Variants in RRAGD observed in about 807,000 individuals in gnomAD.
The protein encoded by RRAGD is ras-related GTP-binding protein D.
Under a neutral mutation model 35.5 loss-of-function variants are expected in RRAGD, and 12 were observed. The ratio of observed to expected loss-of-function variants is 0.34; its 90% CI spans 0.22 to 0.55. The LOEUF (loss-of-function observed/expected upper bound fraction) is 0.55, where lower values mean the gene tolerates loss of function less well. Ranked by LOEUF, RRAGD falls within the 20% of genes least tolerant of loss-of-function variation. The pLI, the probability that RRAGD is intolerant of heterozygous loss-of-function variation, is 0.91. For missense variants in RRAGD, 324 were observed against 490.1 expected, an observed-to-expected ratio of 0.66 and a Z score of 3.20; for synonymous variants, 155 against 178.9, an observed-to-expected ratio of 0.87 and a Z score of 1.07.
intron 1 of RRAGD, among the ~76,000 whole-genome samples, chr6:89,394,125 A>C (rs557427278): frequency 2.8e-4 from 42 of 152,198 alleles, no homozygotes; most frequent in Non-Finnish European, 5.0e-4. Flanking sequence ...AGGAAGCAAC[A>C]TTTAACTAAA....
chr6:89,381,801 T>A (rs1190425508), intron 2 of RRAGD, among the ~76,000 whole-genome samples: 1 of 152,172 alleles, frequency 6.6e-6, no homozygotes, highest in Admixed American at 6.5e-5. Flanking sequence ...TGATGGACAT[T>A]ATTCCCATGT....
At chr6:89,372,994 C>A (rs1768878377) in intron 5 of RRAGD, among the ~76,000 whole-genome samples, 1 of 152,180 alleles carries the variant, frequency 6.6e-6, no homozygotes, top group Non-Finnish European at 1.5e-5. Context: ...ACCTGAAAGC[C>A]AAGTGCTAGA....
At chr6:89,392,815 G>A (rs573463459) in intron 1 of RRAGD, among the ~76,000 whole-genome samples, 1 of 152,290 alleles carries the variant, frequency 6.6e-6, no homozygotes, top group African/African-American at 2.4e-5. Flanking sequence ...AAATTAAGCA[G>A]GTACAGATGT....
rs1026296157 is a variant in RRAGD, at chr6:89,411,894, C to G, written c.100G>C (p.Gly34Arg). ...ELVGLADYGD[G>R]PDSSDADPDS... ...GGATCGGCGTCGGAGGAGTCGGGCC[C>G]GTCTCCGTAGTCCGCTAGCCCCACC... The change falls in exon 1 of 7, where the codon GGG (glycine) becomes CGG (arginine). Residue 34 changes from glycine (G) to arginine (R), a missense_variant. By Grantham distance (125) the Gly-to-Arg change is moderately radical (BLOSUM62 -2). Coordinates refer to ENST00000369415, the MANE Select transcript of RRAGD (RefSeq NM_021244.5). This position sits in a 1 kb window ranked among gnomAD's most constrained non-coding sequence, Gnocchi z 5.6. 62 of 1,546,418 alleles carry G rather than the reference C, an allele frequency of 4.0e-5. No individual in the cohort carries two copies. The highest frequency in any genetic ancestry group is 9.7e-5 in the East Asian group (4 of 41,220).
intron 1 of RRAGD, among the ~76,000 whole-genome samples, chr6:89,394,270 A>G (rs1769290839): frequency 6.6e-6 from 1 of 152,166 alleles, no homozygotes; most frequent in African/African-American, 2.4e-5. Flanking sequence ...AATATCAAGG[A>G]TATCTATAGG....
In RRAGD at chr6:89,412,151, C is replaced by T. The variant is rs1187104261; in HGVS notation, c.-158G>A. 2 of 617,200 alleles carry T rather than the reference C, an allele frequency of 3.2e-6. No homozygotes were observed. Among genetic ancestry groups the T allele is most frequent in the African/African-American group, 1.9e-5 (1 of 51,554 alleles). 38.2% of individuals were successfully genotyped at this position (617,200 alleles called of 1,614,324 possible). ...GGGCCGCGCGTCCCCCGGCGGGCGG[C>T]GCCCAGGTCCGGGTCCCGCGGTTCC... On this transcript the variant is annotated 5_prime_UTR_variant, in exon 1 of 7. Coordinates refer to ENST00000369415, the MANE Select transcript of RRAGD (RefSeq NM_021244.5). This position sits in a 1 kb window ranked among gnomAD's most constrained non-coding sequence, Gnocchi z 4.2.
rs114416203 is a variant in RRAGD, at chr6:89,401,760, A to G, written c.148+10086T>C. ...GCTGCAATGTCACCCCCACTGCTAAATCAGGCACTATCACTTCCTGGGCCA... is the reference window on the plus strand; with the variant it reads ...GCTGCAATGTCACCCCCACTGCTAAGTCAGGCACTATCACTTCCTGGGCCA... On this transcript the variant is annotated intron_variant, in intron 1 of 6. Transcript: ENST00000369415. 4.0e-3 allele frequency among the ~76,000 whole-genome samples: 602 copies of G among 152,150 alleles called. 4 individuals carry two copies. Among genetic ancestry groups the G allele is most frequent in the African/African-American group, 0.014 (566 of 41,502 alleles).
At chr6:89,388,137 A>C (rs1319570312) in intron 1 of RRAGD, among the ~76,000 whole-genome samples, 1 of 152,194 alleles carries the variant, frequency 6.6e-6, no homozygotes, top group Non-Finnish European at 1.5e-5. Context: ...TGTGTTACAC[A>C]GCAGATGCAA....
rs1769366680 is a variant in RRAGD at position 89,397,722 on chromosome 6, C to T, written c.149-10132G>A. Among the ~76,000 whole-genome samples, 5 of 152,138 alleles carry T rather than the reference C, an allele frequency of 3.3e-5. No homozygotes were observed. In the South Asian group the frequency reaches 1.0e-3, roughly 31 times the overall value. On this transcript the variant is annotated intron_variant, in intron 1 of 6. Transcript: ENST00000369415. ...AATAAAAAAATAAACTATTGATACACATAACCTGGATGAATCTCTAATTAT... is the reference window on the plus strand; with the variant it reads ...AATAAAAAAATAAACTATTGATACATATAACCTGGATGAATCTCTAATTAT...
At chr6:89,371,054 A>G (rs368261562) in intron 6 of RRAGD, among the ~76,000 whole-genome samples, 5 of 151,658 alleles carry the variant, frequency 3.3e-5, no homozygotes, top group East Asian at 1.9e-4. Context: ...TAAAATATAA[A>G]TATTTTCATA....
intron 1 of RRAGD, among the ~76,000 whole-genome samples, chr6:89,393,189 G>A (rs1047110927): frequency 2.6e-5 from 4 of 152,188 alleles, no homozygotes; most frequent in Non-Finnish European, 5.9e-5. Context: ...ATGAAACATG[G>A]ATAGTTAAGT....
chr6:89,398,858 T>C (rs1417910618), intron 1 of RRAGD, among the ~76,000 whole-genome samples: 1 of 152,194 alleles, frequency 6.6e-6, no homozygotes, highest in East Asian at 1.9e-4. Flanking sequence ...CAATCAGCTG[T>C]CTGTCACATT....
intron 1 of RRAGD, among the ~76,000 whole-genome samples, chr6:89,399,871 TG>T (rs1311111821): frequency 6.6e-6 from 1 of 151,298 alleles, no homozygotes; most frequent in Admixed American, 6.6e-5. Context: ...CCCAAAGTGC[TG>T]GGATTACAGG....
At chr6:89,389,656 T>C (rs1769198101) in intron 1 of RRAGD, among the ~76,000 whole-genome samples, 1 of 151,902 alleles carries the variant, frequency 6.6e-6, no homozygotes, top group Non-Finnish European at 1.5e-5. Flanking sequence ...AATTCCACAA[T>C]GTTCTTTAGT....
At chr6:89,373,061 A>T (rs1582503613) in intron 5 of RRAGD, among the ~76,000 whole-genome samples, 2 of 152,348 alleles carry the variant, frequency 1.3e-5, no homozygotes, top group Admixed American at 1.3e-4. Context: ...CCACTGGTAA[A>T]ATCTGAATAT....
chr6:89,388,557 T>C (rs1343285244), intron 1 of RRAGD, among the ~76,000 whole-genome samples: 1 of 152,290 alleles, frequency 6.6e-6, no homozygotes, highest in Non-Finnish European at 1.5e-5. Flanking sequence ...AAGTACTCAA[T>C]AGCCACATCC....
chr6:89,411,855 C>T lies in RRAGD; in HGVS notation c.139G>A (p.Glu47Lys). ...SSDADPDSGT[E>K]EGVLDFSDPF... ...GGGGCCGGGCGCTCACCTCCCTCCTCTGTGCCGCTGTCCGGATCGGCGTCG... is the reference window on the plus strand; with the variant it reads ...GGGGCCGGGCGCTCACCTCCCTCCTTTGTGCCGCTGTCCGGATCGGCGTCG... The change falls in exon 1 of 7, where the codon GAG becomes AAG. Residue 47 changes from glutamate (E) to lysine (K), a missense_variant. This residue lies in a region of RRAGD where 96 missense variants were observed against 78.7 expected (regional missense o/e 1.22). Coordinates refer to ENST00000369415, the MANE Select transcript of RRAGD (RefSeq NM_021244.5). The surrounding 1 kb of genome is among the most constrained non-coding windows in gnomAD (Gnocchi z 5.6). 6.4e-7 allele frequency: 1 copy of T among 1,552,048 alleles called. No homozygotes were observed. Among genetic ancestry groups the T allele is most frequent in the Non-Finnish European group, 8.7e-7 (1 of 1,151,376 alleles).
chr6:89,378,497 TA>T (rs766992874), intron 4 of RRAGD, among the ~76,000 whole-genome samples: 10 of 152,044 alleles, frequency 6.6e-5, no homozygotes, highest in Non-Finnish European at 1.0e-4. Context: ...AGTGACAGAG[TA>T]AACGTGAGTA....
intron 2 of RRAGD, among the ~76,000 whole-genome samples, chr6:89,380,961 C>T (rs1337487834): frequency 6.6e-6 from 1 of 150,722 alleles, no homozygotes; most frequent in African/African-American, 2.4e-5. Context: ...GAGAAACGGA[C>T]CCTACTCCAC....
Sources: allele counts gnomAD v4.1 joint callset (sites outside exome capture counted in the v4.1 genomes callset), GRCh38; gene constraint gnomAD v4.1.1; regional missense constraint gnomAD v4.1.1; non-coding constraint Gnocchi (gnomAD v3.1); transcripts MANE v1.5; gene names NCBI Gene and HGNC (gene_info 2026-07-23, HGNC 2026-07-21).